Variants in GBP4 observed in about 807,000 individuals in gnomAD.
GBP4 encodes the protein guanylate-binding protein 4.
In GBP4, 69 loss-of-function variants were observed where a neutral mutation model predicts 62.2. That is an observed-to-expected ratio of 1.11 (90% CI 0.91 to 1.36). The LOEUF (loss-of-function observed/expected upper bound fraction) is 1.36, where lower values mean the gene tolerates loss of function less well. Among genes scored for constraint, GBP4 ranks in the 40% most tolerant of loss-of-function variants. GBP4 has a pLI of 0.00. For synonymous variants in GBP4, 278 were observed against 274.6 expected (o/e 1.01, Z -0.12); for missense variants, 697 against 759.3 (o/e 0.92, Z 0.96).
Position 89,192,962 on chromosome 1 carries a change from T to C in GBP4, c.612A>G (p.Leu204=), listed in dbSNP as rs1284023942. The C allele has an allele frequency of 1.9e-6, 3 of 1,614,104 alleles. No homozygotes were observed. The highest frequency in any genetic ancestry group is 2.7e-5 in the African/African-American group (2 of 74,936). The change falls in exon 5 of 11, where the codon TTA becomes TTG. Residue 204 remains leucine (L), a synonymous_variant. Transcript: ENST00000355754. ...TVRDFTLELK[L]DGNPITEDEY... is the part of the protein sequence containing the mutation. ...CATCTTCTGTGATGGGGTTTCCATC[T>C]AACTTTAGCTCCAGGGTAAAATCCC...
At chr1:89,189,241 A>G (rs917515065) in intron 7 of GBP4, among the ~76,000 whole-genome samples, 3 of 152,220 alleles carry the variant, frequency 2.0e-5, no homozygotes, top group African/African-American at 7.2e-5. Context: ...TATTTCTTCA[A>G]TGAGAGTTTG....
Position 89,191,343 on chromosome 1 carries a change from C to T in GBP4, c.834G>A (p.Met278Ile), listed in dbSNP as rs1648177185. 1 of 1,614,188 alleles carries T rather than the reference C, an allele frequency of 6.2e-7. No homozygotes were observed. The highest frequency in any genetic ancestry group is 1.3e-5 in the African/African-American group (1 of 75,064). Residue 278 changes from methionine (M) to isoleucine (I), a missense_variant, in exon 6 of 11, where the codon ATG (methionine) becomes ATA (isoleucine). Physicochemically the swap from Met to Ile is conservative, Grantham distance 10 (BLOSUM62 1). This residue lies in a region of GBP4 where 556 missense variants were observed against 562.7 expected (regional missense o/e 0.99). Coordinates refer to ENST00000355754, the MANE Select transcript of GBP4 (RefSeq NM_052941.5). ...PEENLERHFL[M>I]QSDNFCSYIF... ...TATAAGAACAGAAGTTGTCTGATTG[C>T]ATAAGGAAATGCCTTTCCAGATTTT...
chr1:89,186,385 T>A lies in GBP4; in HGVS notation c.1655A>T (p.Glu552Val), dbSNP rs1405052946. Residue 552 changes from glutamate (E) to valine (V), a missense_variant, in exon 10 of 11, where the codon GAA becomes GTA. Transcript: ENST00000355754. Reference sequence around the variant, plus strand: ...ATGCTCTCTGAGAAGGTTTTCCCTTTCCTCCTCCAACTTCTTCTCCATTTG... The same window carrying A: ...ATGCTCTCTGAGAAGGTTTTCCCTTACCTCCTCCAACTTCTTCTCCATTTG... ...MAQMEKKLEE[E>V]RENLLREHER... 6.7e-7 allele frequency: 1 copy of A among 1,500,620 alleles called. No individual in the cohort carries two copies. The highest frequency in any genetic ancestry group is 9.3e-7 in the Non-Finnish European group (1 of 1,075,456). 93.0% of individuals were successfully genotyped at this position (1,500,620 alleles called of 1,614,324 possible). A position where few individuals can be genotyped will look rare whatever the true frequency, so the allele number is the denominator to read the frequency against.
chr1:89,187,154 T>G, intron 8 of GBP4, 52 bp from the exon 9 acceptor site: 1 of 1,402,196 alleles, frequency 7.1e-7, no homozygotes, highest in African/African-American at 1.4e-5. Flanking sequence ...GGTCTCATCT[T>G]ATGATGGCGA....
At chr1:89,198,006 T>C (rs904275797) in intron 1 of GBP4, among the ~76,000 whole-genome samples, 3 of 151,652 alleles carry the variant, frequency 2.0e-5, no homozygotes, top group Admixed American at 2.0e-4. Flanking sequence ...ATACTTTGGT[T>C]TAGAAAGGAG....
Position 89,190,051 on chromosome 1 carries a change from T to C in GBP4, c.1184A>G (p.Gln395Arg), listed in dbSNP as rs374581949. Residue 395 changes from glutamine (Q) to arginine (R), a missense_variant, in exon 7 of 11, where the codon CAG becomes CGG. Coordinates refer to ENST00000355754, the MANE Select transcript of GBP4 (RefSeq NM_052941.5). ...HSFKDENHEFQKKLVDTIEKK... is the reference protein window; with the variant it reads ...HSFKDENHEFRKKLVDTIEKK... ...TGCTAAAAGTACCACAAGCTTCTTCTGGAATTCATGGTTTTCATCCTTGAA... is the reference window on the plus strand; with the variant it reads ...TGCTAAAAGTACCACAAGCTTCTTCCGGAATTCATGGTTTTCATCCTTGAA... 39 of 1,607,200 alleles carry C rather than the reference T, an allele frequency of 2.4e-5. No individual in the cohort carries two copies. The African/African-American group carries it at 4.3e-4, about 18-fold the overall frequency.
intron 5 of GBP4, among the ~76,000 whole-genome samples, chr1:89,192,598 G>A (rs191702969): frequency 2.0e-5 from 3 of 152,228 alleles, no homozygotes; most frequent in Admixed American, 2.0e-4. Context: ...AAATATATGA[G>A]TCTTAGGATG....
rs1172207546 is a variant in GBP4, at chr1:89,195,341, T to G, written c.319A>C (p.Thr107Pro). 1 of 1,613,900 alleles carries G rather than the reference T, an allele frequency of 6.2e-7. No individual in the cohort carries two copies. ...CVPHLSKPNH[T>P]LVLLDTEGLG... ...CCCTCGGTGTCCAGAAGGACCAGGG[T>G]GTGGTTTGGCTTAGAGAGGTGGGGC... The change falls in exon 3 of 11, where the codon ACC (threonine) becomes CCC (proline). Residue 107 changes from threonine to proline, a missense_variant. By Grantham distance (38) the Thr-to-Pro change is conservative (BLOSUM62 -1). Coordinates refer to ENST00000355754, the MANE Select transcript of GBP4 (RefSeq NM_052941.5).
At chr1:89,194,164 T>C (rs545082890) in intron 3 of GBP4, among the ~76,000 whole-genome samples, 1 of 152,298 alleles carries the variant, frequency 6.6e-6, no homozygotes, top group South Asian at 2.1e-4. Flanking sequence ...CACAGCATGG[T>C]CATAAAAGGG....
chr1:89,189,945 A>G (rs1390254264), intron 7 of GBP4, 93 bp downstream of exon 7: 12 of 1,193,642 alleles, frequency 1.0e-5, no homozygotes, highest in African/African-American at 3.1e-5. Flanking sequence ...GTCTTTCCAC[A>G]GTGGTAAGGA....
intron 6 of GBP4, 82 bp from the exon 7 acceptor site, chr1:89,190,400 A>G (rs1648149790): frequency 7.9e-7 from 1 of 1,266,932 alleles, no homozygotes. Flanking sequence ...TCTAAAAATT[A>G]CAAAAATTCT....
Position 89,182,172 on chromosome 1 carries a change from A to C in GBP4, c.*3082T>G, listed in dbSNP as rs1647898482. On this transcript the variant is annotated 3_prime_UTR_variant, in exon 11 of 11. Coordinates refer to ENST00000355754, the MANE Select transcript of GBP4 (RefSeq NM_052941.5). ...AAGGAGTTCATTCTGTAGCAGGATGAGCTGCAGACAAAACTTCTCAGACAC... is the reference window on the plus strand; with the variant it reads ...AAGGAGTTCATTCTGTAGCAGGATGCGCTGCAGACAAAACTTCTCAGACAC... The C allele has an allele frequency of 6.6e-6, 1 of 152,186 alleles. No individual in the cohort carries two copies. Among genetic ancestry groups the C allele is most frequent in the Admixed American group, 6.5e-5 (1 of 15,278 alleles). 9.4% of individuals were successfully genotyped at this position (152,186 alleles called of 1,614,324 possible).
At chr1:89,186,637 G>C in intron 9 of GBP4, 111 bp from the exon 10 acceptor site, 2 of 947,500 alleles carry the variant, frequency 2.1e-6, no homozygotes, top group Non-Finnish European at 3.1e-6. Context: ...TGAGGGATTG[G>C]GAATCTCTGA....
rs1309948560 is a variant in GBP4, at chr1:89,182,105, T to C, written c.*3149A>G. 1 of 152,212 alleles carries C rather than the reference T, an allele frequency of 6.6e-6. No homozygotes were observed. Among genetic ancestry groups the C allele is most frequent in the Non-Finnish European group, 1.5e-5 (1 of 68,038 alleles). 9.4% of individuals were successfully genotyped at this position (152,212 alleles called of 1,614,324 possible). A position where few individuals can be genotyped will look rare whatever the true frequency, so the allele number is the denominator to read the frequency against. On this transcript the variant is annotated 3_prime_UTR_variant, in exon 11 of 11. Transcript: ENST00000355754. ...AAGCCGGGTTGTTTTAAGAAGCCTGTGTCCCCTGTGAAAAGGCCCATGGCA... is the reference window on the plus strand; with the variant it reads ...AAGCCGGGTTGTTTTAAGAAGCCTGCGTCCCCTGTGAAAAGGCCCATGGCA...
intron 3 of GBP4, among the ~76,000 whole-genome samples, chr1:89,194,663 A>C (rs1248864373): frequency 6.6e-6 from 1 of 152,178 alleles, no homozygotes; most frequent in Non-Finnish European, 1.5e-5. Flanking sequence ...AAGTTATCTC[A>C]CTTACAATAT....
chr1:89,188,906 G>GT, intron 7 of GBP4, 112 bp from the exon 8 acceptor site: 1 of 1,051,824 alleles, frequency 9.5e-7, no homozygotes, highest in South Asian at 1.4e-5. Context: ...CTGGGATATG[G>GT]TGTAGACCAA....
intron 1 of GBP4, among the ~76,000 whole-genome samples, chr1:89,198,440 A>G (rs1648406310): frequency 6.6e-6 from 1 of 152,100 alleles, no homozygotes; most frequent in African/African-American, 2.4e-5. Context: ...TGGGGGACAG[A>G]AAATTAATAA....
At chr1:89,192,329 GA>G (rs1458352894) in intron 5 of GBP4, among the ~76,000 whole-genome samples, 8 of 152,062 alleles carry the variant, frequency 5.3e-5, no homozygotes, top group African/African-American at 1.9e-4. Flanking sequence ...GTGATGTTAT[GA>G]AAATAGTAAA....
At position 89,185,270 on chromosome 1, in the gene GBP4, A is replaced by T; in HGVS notation, c.1907T>A (p.Leu636His). 6.2e-7 allele frequency: 1 copy of T among 1,605,990 alleles called. No individual in the cohort carries two copies. Among genetic ancestry groups the T allele is most frequent in the Non-Finnish European group, 8.5e-7 (1 of 1,173,010 alleles). The change falls in exon 11 of 11, where the codon CTT becomes CAT. Residue 636 changes from leucine to histidine, a missense_variant. Leu to His is a moderately conservative substitution (Grantham distance 99, BLOSUM62 -3). This residue lies in a region of GBP4 where 141 missense variants were observed against 196.6 expected (regional missense o/e 0.72). Transcript: ENST00000355754. ...SKLLGVGTKYLGSRI is the reference protein window; with the variant it reads ...SKLLGVGTKYHGSRI ...TTCAGGCTCTTAAATACGTGAGCCA[A>T]GATATTTTGTCCCTACTCCAAGTAG...
Sources: gnomAD v4.1 joint callset for allele counts (sites outside exome capture counted in the v4.1 genomes callset) on GRCh38, gnomAD v4.1.1 for gene constraint, gnomAD v4.1.1 regional missense constraint, MANE v1.5 for transcripts, NCBI Gene and HGNC (gene_info 2026-07-23, HGNC 2026-07-21) for gene names.